MIDN: variants seen among roughly 807,000 people sequenced by gnomAD.
MIDN encodes the protein midnolin.
A neutral mutation model predicts 46.1 loss-of-function variants in MIDN; 26 were observed. The ratio of observed to expected loss-of-function variants is 0.56; its 90% CI spans 0.41 to 0.78. The LOEUF (loss-of-function observed/expected upper bound fraction) is 0.78. Ranked by LOEUF, MIDN falls within the 30% of genes least tolerant of loss-of-function variation. The pLI, the probability that MIDN is intolerant of heterozygous loss-of-function variation, is 0.00. For synonymous variants in MIDN, 432 were observed against 343.3 expected (o/e 1.26, Z -2.86); for missense variants, 850 against 771.8 (o/e 1.10, Z -1.20).
At chr19:1,254,142 A>G (rs774811692) in intron 5 of MIDN, 25 bp from the exon 6 acceptor site, 1 of 1,582,446 alleles carries the variant, frequency 6.3e-7, no homozygotes, top group South Asian at 1.1e-5. Context: ...TGGGGCTCCC[A>G]GCTGACGGAC....
chr19:1,256,337 G>A lies in MIDN; in HGVS notation c.1258+643G>A, dbSNP rs546437948. The stretch of plus-strand genomic sequence containing the variant: ...TTTCCACTAAAAATACAAAAAATTA[G>A]CCAGGCGTGGTGGTGGGCGCCTGTA... On this transcript the variant is annotated intron_variant, in intron 8 of 8. Transcript: ENST00000682408. Among the ~76,000 whole-genome samples the A allele has an allele frequency of 2.6e-5, 4 of 152,260 alleles. No individual in the cohort carries two copies. In the South Asian group the frequency reaches 8.3e-4, roughly 32 times the overall value.
Position 1,254,284 on chromosome 19 carries a change from G to A in MIDN, c.631G>A (p.Val211Met), listed in dbSNP as rs2081169925. ...GCACGCTCCACTGCAACACCGCCAT[G>A]TGCTGGCCGCTGCGGCCGCCGCCGC... is the stretch of plus-strand genomic sequence containing the variant. ...AQHAPLQHRH[V>M]LAAAAAAAAA... The change falls in exon 6 of 9, where the codon GTG becomes ATG. Residue 211 changes from valine (V) to methionine (M), a missense_variant. Physicochemically the swap from Val to Met is conservative, Grantham distance 21. Transcript: ENST00000682408. 2.5e-6 allele frequency: 4 copies of A among 1,578,776 alleles called. No homozygotes were observed. The highest frequency in any genetic ancestry group is 3.4e-6 in the Non-Finnish European group (4 of 1,169,802).
intron 8 of MIDN, among the ~76,000 whole-genome samples, chr19:1,256,579 G>A (rs1356579555): frequency 6.6e-6 from 1 of 151,750 alleles, no homozygotes; most frequent in Non-Finnish European, 1.5e-5. Context: ...CAGGAAGAAT[G>A]AGGCAGGACA....
chr19:1,250,382 C>A lies in MIDN; in HGVS notation c.86C>A (p.Ala29Glu). The A allele has an allele frequency of 8.3e-7, 1 of 1,207,094 alleles. No individual in the cohort carries two copies. Among genetic ancestry groups the A allele is most frequent in the Non-Finnish European group, 1.0e-6 (1 of 956,850 alleles). The allele number at this position is 1,207,094 out of a possible 1,614,324, so 74.8% of individuals were successfully genotyped here. A position where few individuals can be genotyped will look rare whatever the true frequency, so the allele number is the denominator to read the frequency against. The change falls in exon 2 of 9, where the codon GCG (alanine) becomes GAG (glutamate). Residue 29 changes from alanine (A) to glutamate (E), a missense_variant. Transcript: ENST00000682408. ...ACELGPAAEA[A>E]PMSLAIHSTT... The stretch of plus-strand genomic sequence containing the variant: ...GAGCTGGGCCCGGCGGCCGAGGCGG[C>A]GCCCATGAGCCTCGCCATCCACAGC...
At chr19:1,253,052 G>T (rs919809286) in intron 4 of MIDN, among the ~76,000 whole-genome samples, 8 of 151,402 alleles carry the variant, frequency 5.3e-5, no homozygotes, top group African/African-American at 1.7e-4. Flanking sequence ...GCTGGAGGGG[G>T]TGCTGGGCGG....
chr19:1,251,147 C>G (rs927083093), intron 2 of MIDN: 1 of 160,044 alleles, frequency 6.2e-6, no homozygotes, highest in African/African-American at 2.4e-5. Flanking sequence ...CGGCCCGGCG[C>G]AACCCCCAGG....
chr19:1,251,820 C>T lies in MIDN; in HGVS notation c.322-19C>T, dbSNP rs766202607. On this transcript the variant is annotated intron_variant, in intron 3 of 8. Transcript: ENST00000682408. ...ATTCCGACCCCACACTCAGGCCCCTCTCCTCCCTCTCTTTGTAGTCTCAGG... is the reference window on the plus strand; with the variant it reads ...ATTCCGACCCCACACTCAGGCCCCTTTCCTCCCTCTCTTTGTAGTCTCAGG... The T allele has an allele frequency of 1.9e-6, 3 of 1,610,910 alleles. No individual in the cohort carries two copies. Among genetic ancestry groups the T allele is most frequent in the East Asian group, 2.2e-5 (1 of 44,774 alleles).
intron 6 of MIDN, 82 bp from the exon 7 acceptor site, chr19:1,254,820 T>A: frequency 1.4e-6 from 2 of 1,469,572 alleles, no homozygotes. Context: ...TGACCTGGGC[T>A]GGTGGGTGAT....
Position 1,251,631 on chromosome 19 carries a change from C to T in MIDN, c.303C>T (p.Thr101=). The change falls in exon 3 of 9, where the codon ACC becomes ACT. Residue 101 remains threonine (T), a synonymous_variant. Coordinates refer to ENST00000682408, the MANE Select transcript of MIDN (RefSeq NM_001388306.1). ...GDGSKLTLVP[T]VEAGLMSQAS... ...GCAGCAAGCTGACCTTGGTACCCAC[C>T]GTGGAAGCGGGCCTCATGGTAAATG... 2 of 1,609,676 alleles carry T rather than the reference C, an allele frequency of 1.2e-6. No individual in the cohort carries two copies. Among genetic ancestry groups the T allele is most frequent in the Non-Finnish European group, 1.7e-6 (2 of 1,178,510 alleles).
chr19:1,254,510 G>C (rs1185322266), intron 6 of MIDN, 32 bp downstream of exon 6: 2 of 1,536,924 alleles, frequency 1.3e-6, no homozygotes, highest in South Asian at 2.4e-5. Flanking sequence ...GTGACCCTTG[G>C]TTGGAATCCA....
In MIDN at chr19:1,257,539, G is replaced by C. The variant is rs866187056; in HGVS notation, c.*267G>C. 1.7e-5 allele frequency: 4 copies of C among 242,294 alleles called. No individual in the cohort carries two copies. Among genetic ancestry groups the C allele is most frequent in the African/African-American group, 3.7e-5 (1 of 26,726 alleles). 15.0% of individuals were successfully genotyped at this position (242,294 alleles called of 1,614,324 possible). A position where few individuals can be genotyped will look rare whatever the true frequency, so the allele number is the denominator to read the frequency against. ...CTCTTCCTCCTCCTCCTCCTCCTCC[G>C]TCTGTCTCCTTTCACCTCTGCGCCA... On this transcript the variant is annotated 3_prime_UTR_variant, in exon 9 of 9. Coordinates refer to ENST00000682408, the MANE Select transcript of MIDN (RefSeq NM_001388306.1).
In MIDN at chr19:1,258,016, T is replaced by C. The variant is rs1793990574; in HGVS notation, c.*744T>C. The C allele has an allele frequency of 6.6e-6, 1 of 152,378 alleles. No individual in the cohort carries two copies. Among genetic ancestry groups the C allele is most frequent in the Admixed American group, 6.5e-5 (1 of 15,276 alleles). 9.4% of individuals were successfully genotyped at this position (152,378 alleles called of 1,614,324 possible). A position where few individuals can be genotyped will look rare whatever the true frequency, so the allele number is the denominator to read the frequency against. ...TGCAGGGGCATGGCACCCTTTCCTG[T>C]CGGGAAGGGAGAGGGGAACTACCCC... is the stretch of plus-strand genomic sequence containing the variant. On this transcript the variant is annotated 3_prime_UTR_variant, in exon 9 of 9. Coordinates refer to ENST00000682408, the MANE Select transcript of MIDN (RefSeq NM_001388306.1).
At chr19:1,249,351 C>G (rs2079943969) in intron 1 of MIDN, among the ~76,000 whole-genome samples, 1 of 150,608 alleles carries the variant, frequency 6.6e-6, no homozygotes, top group Non-Finnish European at 1.5e-5. Context: ...CCCGGGACCC[C>G]GGCCACGAGG....
chr19:1,254,759 C>T (rs974474102), intron 6 of MIDN, 143 bp from the exon 7 acceptor site: 20 of 1,025,062 alleles, frequency 2.0e-5, no homozygotes, highest in Middle Eastern at 3.2e-4. Flanking sequence ...GTTGTGACCT[C>T]GTGACCTTGG....
rs1157640134 is a variant in MIDN at position 1,254,475 on chromosome 19, G to A, written c.822G>A (p.Pro274=). ...CCCACGCAGCCTCCACCACCTGCCC[G>A]GAGGTGAGCCTGGGGAAGGGAAGGG... ...FRSHAASTTC[P]EQMDCSPTAS... The change falls in exon 6 of 9, where the codon CCG becomes CCA. Residue 274 remains proline (P), a synonymous_variant. Coordinates refer to ENST00000682408, the MANE Select transcript of MIDN (RefSeq NM_001388306.1). The A allele has an allele frequency of 7.1e-6, 11 of 1,552,690 alleles. No individual in the cohort carries two copies. The South Asian group carries it at 8.2e-5, about 12-fold the overall frequency.
rs1169748318 is a variant in MIDN, at chr19:1,258,631, C to T, written c.*1359C>T. ...TGTTCTCGTAGGTGAACCCCAGGTC[C>T]TCAACTCCCCCCCTTTATGTGTTGA... On this transcript the variant is annotated 3_prime_UTR_variant, in exon 9 of 9. Transcript: ENST00000682408. The T allele has an allele frequency of 2.0e-5, 3 of 150,868 alleles. No homozygotes were observed. Among genetic ancestry groups the T allele is most frequent in the Non-Finnish European group, 4.4e-5 (3 of 67,740 alleles). 9.3% of individuals were successfully genotyped at this position (150,868 alleles called of 1,614,324 possible). A position where few individuals can be genotyped will look rare whatever the true frequency, so the allele number is the denominator to read the frequency against.
chr19:1,251,682 G>A, intron 3 of MIDN, 33 bp downstream of exon 3: 1 of 1,589,166 alleles, frequency 6.3e-7, no homozygotes, highest in Non-Finnish European at 8.6e-7. Context: ...GCCCCCAGAG[G>A]CCCCCGCACA....
At position 1,251,129 on chromosome 19, in the gene MIDN, G is replaced by A. The variant is rs188284358; in HGVS notation, c.234-433G>A. The stretch of plus-strand genomic sequence containing the variant: ...GCCTGCGCCGGGGAGGGAGGAGGAG[G>A]GGGAGCCCGGCCCGGCGCAACCCCC... On this transcript the variant is annotated intron_variant, in intron 2 of 8. Transcript: ENST00000682408. The A allele has an allele frequency of 3.3e-3, 517 of 157,962 alleles. 5 individuals are homozygous for A. Among genetic ancestry groups the A allele is most frequent in the Middle Eastern group, 0.019 (6 of 314 alleles). The allele number at this position is 157,962 out of a possible 1,614,324, so 9.8% of individuals were successfully genotyped here.
intron 4 of MIDN, chr19:1,253,604 C>T (rs181414443): frequency 1.7e-3 from 271 of 158,068 alleles, no homozygotes; most frequent in Admixed American, 4.4e-3. Context: ...GTCAGGGCCC[C>T]TTCCTGCAGC....
Sources: allele counts gnomAD v4.1 joint callset (sites outside exome capture counted in the v4.1 genomes callset), GRCh38; gene constraint gnomAD v4.1.1; transcripts MANE v1.5; gene names NCBI Gene and HGNC (gene_info 2026-07-23, HGNC 2026-07-21).